GRID1: variants seen among roughly 807,000 people sequenced by gnomAD.
GRID1 encodes glutamate ionotropic receptor delta type subunit 1, also known as glutamate receptor ionotropic, delta-1.
A neutral mutation model predicts 98.0 loss-of-function variants in GRID1; 28 were observed. The ratio of observed to expected loss-of-function variants is 0.29; its 90% CI spans 0.21 to 0.39. GRID1 has a LOEUF of 0.39. Ranked by LOEUF, GRID1 falls within the 10% of genes least tolerant of loss-of-function variation. The probability of loss-of-function intolerance (pLI) is 1.00; values close to 1 mark genes in which losing one functional copy is unlikely to be tolerated. For synonymous variants in GRID1, 553 were observed against 538.5 expected (o/e 1.03, Z -0.37); for missense variants, 1,111 against 1,340.5 (o/e 0.83, Z 2.67).
chr10:86,246,746 C>G (rs1362426798), intron 2 of GRID1, among the ~76,000 whole-genome samples: 1 of 152,200 alleles, frequency 6.6e-6, no homozygotes, highest in Non-Finnish European at 1.5e-5. Flanking sequence ...AGCCTGAAAG[C>G]TTATTCTAGG....
At chr10:86,034,247 T>C (rs1281156427) in intron 4 of GRID1, among the ~76,000 whole-genome samples, 3 of 151,996 alleles carry the variant, frequency 2.0e-5, no homozygotes, top group African/African-American at 7.3e-5. Flanking sequence ...TTAAATTCCA[T>C]GTGTGTGTGT....
chr10:85,683,353 G>A (rs1460532833), intron 12 of GRID1, among the ~76,000 whole-genome samples: 5 of 152,186 alleles, frequency 3.3e-5, no homozygotes, highest in African/African-American at 4.8e-5. Context: ...AACAATTGAC[G>A]AGATCTCTAT....
intron 4 of GRID1, among the ~76,000 whole-genome samples, chr10:86,032,205 TG>T (rs1233925835): frequency 6.6e-6 from 1 of 151,668 alleles, no homozygotes; most frequent in East Asian, 1.9e-4. Context: ...GGGAGGGAGG[TG>T]GGGGGGCAGC....
At chr10:86,161,209 G>A (rs1393017180) in intron 3 of GRID1, among the ~76,000 whole-genome samples, 1 of 152,228 alleles carries the variant, frequency 6.6e-6, no homozygotes, top group Non-Finnish European at 1.5e-5. Context: ...GAGACAGCAT[G>A]AGAAAATAAG....
chr10:85,770,174 T>A (rs986196957), intron 8 of GRID1, among the ~76,000 whole-genome samples: 17 of 152,174 alleles, frequency 1.1e-4, no homozygotes, highest in African/African-American at 3.9e-4. Flanking sequence ...TTCACGAAAA[T>A]CTGCTGTTCT....
chr10:85,686,450 T>C (rs1841269940), intron 12 of GRID1, among the ~76,000 whole-genome samples: 1 of 152,180 alleles, frequency 6.6e-6, no homozygotes, highest in Non-Finnish European at 1.5e-5. Flanking sequence ...ACAATCCAAA[T>C]GCCAGTGGTG....
intron 4 of GRID1, among the ~76,000 whole-genome samples, chr10:86,120,731 G>T (rs1196801682): frequency 1.3e-5 from 2 of 152,176 alleles, no homozygotes; most frequent in African/African-American, 4.8e-5. Flanking sequence ...GGTATTGTCA[G>T]TTTGGACATA....
chr10:86,329,791 C>G (rs1050570609), intron 2 of GRID1, among the ~76,000 whole-genome samples: 10 of 152,178 alleles, frequency 6.6e-5, no homozygotes, highest in Non-Finnish European at 1.5e-4. Context: ...CCCCAAGGAC[C>G]CAGAGCCTGG....
At chr10:86,160,035 T>A (rs961445534) in intron 3 of GRID1, among the ~76,000 whole-genome samples, 2 of 151,912 alleles carry the variant, frequency 1.3e-5, no homozygotes, top group African/African-American at 4.8e-5. Flanking sequence ...ATCACCACCA[T>A]CAACACCAGC....
chr10:85,619,768 A>T, intron 14 of GRID1, 99 bp downstream of exon 14: 1 of 881,978 alleles, frequency 1.1e-6, no homozygotes, highest in Non-Finnish European at 1.8e-6. Flanking sequence ...TGACGAACAA[A>T]GATGTTTGCA....
intron 3 of GRID1, among the ~76,000 whole-genome samples, chr10:86,154,787 C>T (rs1199902180): frequency 6.6e-6 from 1 of 152,182 alleles, no homozygotes; most frequent in Non-Finnish European, 1.5e-5. Flanking sequence ...GACAGAGCTG[C>T]CATCGTAAGC....
chr10:86,345,572 CAG>C (rs1284498188), intron 2 of GRID1, among the ~76,000 whole-genome samples: 1 of 152,192 alleles, frequency 6.6e-6, no homozygotes, highest in Non-Finnish European at 1.5e-5. Flanking sequence ...CTGGGATCCT[CAG>C]GGAGCGGCCC....
intron 4 of GRID1, among the ~76,000 whole-genome samples, chr10:86,105,909 G>T (rs546158984): frequency 6.6e-6 from 1 of 152,326 alleles, no homozygotes; most frequent in South Asian, 2.1e-4. Context: ...AATGATGGTA[G>T]AGTTAGCATG....
intron 3 of GRID1, among the ~76,000 whole-genome samples, chr10:86,143,484 G>C (rs1000805183): frequency 2.0e-5 from 3 of 152,084 alleles, no homozygotes; most frequent in Non-Finnish European, 4.4e-5. Context: ...TCCCCCACTG[G>C]GCCACACAGT....
chr10:86,063,567 G>A (rs1843677887), intron 4 of GRID1, among the ~76,000 whole-genome samples: 1 of 152,182 alleles, frequency 6.6e-6, no homozygotes, highest in African/African-American at 2.4e-5. Flanking sequence ...AGTACCAGAT[G>A]CTTAAATAAA....
intron 8 of GRID1, among the ~76,000 whole-genome samples, chr10:85,852,674 G>C (rs1231456044): frequency 6.6e-6 from 1 of 152,204 alleles, no homozygotes; most frequent in Non-Finnish European, 1.5e-5. Context: ...TTTCACACCA[G>C]AGTGATTGAA....
intron 6 of GRID1, among the ~76,000 whole-genome samples, chr10:85,863,666 G>A (rs1331013322): frequency 6.6e-6 from 1 of 152,140 alleles, no homozygotes; most frequent in Non-Finnish European, 1.5e-5. Flanking sequence ...GAGTGCTGCA[G>A]GCTGCCAGGT....
intron 6 of GRID1, among the ~76,000 whole-genome samples, chr10:85,867,366 G>T (rs1051724719): frequency 3.3e-5 from 5 of 152,194 alleles, no homozygotes; most frequent in Admixed American, 6.5e-5. Context: ...TGGGGAGGGA[G>T]GAAGCCCTTC....
intron 12 of GRID1, among the ~76,000 whole-genome samples, chr10:85,679,827 G>T (rs950822116): frequency 1.3e-5 from 2 of 152,174 alleles, no homozygotes; most frequent in African/African-American, 4.8e-5. Flanking sequence ...AACAGTCAGT[G>T]GGGGGATATT....
Sources: allele counts gnomAD v4.1 joint callset (sites outside exome capture counted in the v4.1 genomes callset), GRCh38; gene constraint gnomAD v4.1.1; transcripts MANE v1.5; gene names NCBI Gene and HGNC (gene_info 2026-07-23, HGNC 2026-07-21).